Variants in HDAC9 observed in about 807,000 individuals in gnomAD.
HDAC9 encodes the protein histone deacetylase 9.
HDAC9 carries 41 observed loss-of-function variants against 139.4 expected under a neutral mutation model. The ratio of observed to expected loss-of-function variants is 0.29; its 90% CI spans 0.23 to 0.38. The LOEUF (loss-of-function observed/expected upper bound fraction) is 0.38, where lower values mean the gene tolerates loss of function less well. Ranked by LOEUF, HDAC9 falls within the 10% of genes least tolerant of loss-of-function variation. The pLI is 1.00. For missense variants in HDAC9, 1,147 were observed against 1,297.0 expected, an observed-to-expected ratio of 0.88 and a Z score of 1.78; for synonymous variants, 517 against 476.2, an observed-to-expected ratio of 1.09 and a Z score of -1.12.
intron 12 of HDAC9, among the ~76,000 whole-genome samples, chr7:18,724,490 T>C (rs1785379503): frequency 6.6e-6 from 1 of 152,150 alleles, no homozygotes; most frequent in Non-Finnish European, 1.5e-5. Context: ...CTTGCATAAC[T>C]GGAAGTTGCT....
chr7:18,545,507 T>A (rs1271649802), intron 2 of HDAC9, among the ~76,000 whole-genome samples: 2 of 152,144 alleles, frequency 1.3e-5, no homozygotes, highest in African/African-American at 4.8e-5. Flanking sequence ...ATTAGGTATA[T>A]CTTTTGGCCT....
chr7:18,148,764 C>T (rs1562676223), intron 1 of HDAC9, among the ~76,000 whole-genome samples: 1 of 152,054 alleles, frequency 6.6e-6, no homozygotes, highest in East Asian at 1.9e-4. Flanking sequence ...CTGGCCTCTC[C>T]CTTCCACTTT....
Position 18,997,628 on chromosome 7 carries a change from T to C in HDAC9, c.*1566T>C, listed in dbSNP as rs1786542241. On this transcript the variant is annotated 3_prime_UTR_variant, in exon 26 of 26. Coordinates refer to ENST00000686413, the MANE Select transcript of HDAC9 (RefSeq NM_178425.4). ...TCAGAAATCTGAAAGAAACCTTAAT[T>C]AAAACAAGGTTTTAGGGAAGGCCAT... 6.6e-6 allele frequency: 1 copy of C among 152,136 alleles called. No individual in the cohort carries two copies. Among genetic ancestry groups the C allele is most frequent in the Admixed American group, 6.5e-5 (1 of 15,276 alleles). The allele number at this position is 152,136 out of a possible 1,614,324, so 9.4% of individuals were successfully genotyped here.
rs1562945005 is a variant in HDAC9, at chr7:18,792,275, A to ATTTTTT, written c.2215-1070_2215-1069insTTTTTT. On this transcript the variant is annotated intron_variant, in intron 16 of 25. Coordinates refer to ENST00000686413, the MANE Select transcript of HDAC9 (RefSeq NM_178425.4). ...TAATTCTCTTTTTTTTTTAAAAAAA[A>ATTTTTT]AAAAAAAAGCTTTGTTTTATGCAGA... is the stretch of plus-strand genomic sequence containing the variant. 6.6e-5 allele frequency among the ~76,000 whole-genome samples: 10 copies of ATTTTTT among 151,380 alleles called. 1 individual carries two copies. Among genetic ancestry groups the ATTTTTT allele is most frequent in the African/African-American group, 2.2e-4 (9 of 41,372 alleles).
chr7:18,721,922 C>T (rs2129124909), intron 12 of HDAC9, among the ~76,000 whole-genome samples: 1 of 152,266 alleles, frequency 6.6e-6, no homozygotes, highest in African/African-American at 2.4e-5. Context: ...CTATCCCTAC[C>T]CACTTTCAAA....
chr7:18,240,972 T>C (rs1794149406), intron 2 of HDAC9, among the ~76,000 whole-genome samples: 2 of 152,164 alleles, frequency 1.3e-5, no homozygotes, highest in South Asian at 4.1e-4. Context: ...CATCTGAAGT[T>C]AAATAGGACC....
At chr7:18,677,870 A>G (rs893185072) in intron 12 of HDAC9, among the ~76,000 whole-genome samples, 15 of 151,916 alleles carry the variant, frequency 9.9e-5, no homozygotes, top group South Asian at 2.1e-4. Context: ...CATTCTATCA[A>G]TTTGTTCTTC....
intron 21 of HDAC9, among the ~76,000 whole-genome samples, chr7:18,839,052 C>A (rs896567207): frequency 3.3e-5 from 5 of 151,878 alleles, no homozygotes; most frequent in South Asian, 2.1e-4. Flanking sequence ...TTCTTCCAAG[C>A]AGTTATCATT....
intron 25 of HDAC9, among the ~76,000 whole-genome samples, chr7:18,987,169 G>A (rs1053078103): frequency 3.9e-5 from 6 of 152,200 alleles, no homozygotes; most frequent in African/African-American, 1.2e-4. Context: ...AATGCTTCCA[G>A]TTTTTGCCCA....
intron 2 of HDAC9, among the ~76,000 whole-genome samples, chr7:18,246,503 G>A (rs183819387): frequency 6.6e-6 from 1 of 152,096 alleles, no homozygotes; most frequent in Admixed American, 6.5e-5. Context: ...TCACTAAATA[G>A]TCACCCCCCC....
chr7:18,890,990 T>A (rs996979008), intron 22 of HDAC9, among the ~76,000 whole-genome samples: 14 of 152,198 alleles, frequency 9.2e-5, no homozygotes, highest in African/African-American at 3.4e-4. Flanking sequence ...TTGGCGAGTC[T>A]GTCTGATCTG....
intron 1 of HDAC9, among the ~76,000 whole-genome samples, chr7:18,096,326 G>A (rs1162204752): frequency 6.6e-6 from 1 of 152,108 alleles, no homozygotes; most frequent in Non-Finnish European, 1.5e-5. Flanking sequence ...GACTTTATTT[G>A]TTTAGCAACC....
At chr7:18,604,694 C>T (rs561506328) in intron 6 of HDAC9, among the ~76,000 whole-genome samples, 4 of 152,262 alleles carry the variant, frequency 2.6e-5, no homozygotes, top group Non-Finnish European at 2.9e-5. Context: ...CCACCGCGCC[C>T]GGATAAGACC....
chr7:18,622,413 T>G (rs1404182270), intron 6 of HDAC9, among the ~76,000 whole-genome samples: 1 of 152,176 alleles, frequency 6.6e-6, no homozygotes, highest in East Asian at 1.9e-4. Flanking sequence ...AACATCTGCC[T>G]CCCAGGTTCA....
intron 16 of HDAC9, among the ~76,000 whole-genome samples, chr7:18,774,183 T>A (rs1392732135): frequency 2.0e-5 from 3 of 151,852 alleles, no homozygotes; most frequent in Non-Finnish European, 4.4e-5. Context: ...AAATAATAAG[T>A]AAAATAAAGG....
intron 21 of HDAC9, among the ~76,000 whole-genome samples, chr7:18,863,495 G>A (rs1798262447): frequency 6.6e-6 from 1 of 152,240 alleles, no homozygotes; most frequent in East Asian, 1.9e-4. Context: ...TGTATTTTAT[G>A]TGTGGCCCAA....
At position 18,744,012 on chromosome 7, in the gene HDAC9, G is replaced by GTT. The variant is rs35414332; in HGVS notation, c.1910-4973_1910-4972dup. On this transcript the variant is annotated intron_variant, in intron 13 of 25. Transcript: ENST00000686413. ...TTTTTACATCTCACTTTTACTACTAGTTTTTTTTTTTTTTTTTTTTTGAGA... is the reference window on the plus strand; with the variant it reads ...TTTTTACATCTCACTTTTACTACTAGTTTTTTTTTTTTTTTTTTTTTTTGAGA... Among the ~76,000 whole-genome samples the GTT allele has an allele frequency of 2.9e-3, 315 of 110,410 alleles. 3 individuals are homozygous for GTT. Among genetic ancestry groups the GTT allele is most frequent in the Middle Eastern group, 0.016 (3 of 186 alleles). 72.4% of individuals were successfully genotyped at this position (110,410 alleles called of 152,430 possible).
chr7:18,939,159 G>T (rs1585360835), intron 23 of HDAC9, among the ~76,000 whole-genome samples: 1 of 152,244 alleles, frequency 6.6e-6, no homozygotes. Flanking sequence ...AGTTGCATAA[G>T]CACAACCTAA....
chr7:18,354,371 A>T (rs1783088517), intron 1 of HDAC9, among the ~76,000 whole-genome samples: 1 of 152,154 alleles, frequency 6.6e-6, no homozygotes, highest in Admixed American at 6.6e-5. Flanking sequence ...ACCTTGAAAA[A>T]ATTGGTTTCT....
Sources: gnomAD v4.1 joint callset for allele counts (sites outside exome capture counted in the v4.1 genomes callset) on GRCh38, gnomAD v4.1.1 for gene constraint, MANE v1.5 for transcripts, NCBI Gene and HGNC (gene_info 2026-07-23, HGNC 2026-07-21) for gene names.